DCHS2: variants seen among roughly 807,000 people sequenced by gnomAD.
DCHS2 encodes dachsous cadherin-related 2, also known as protocadherin-23.
DCHS2 carries 142 observed loss-of-function variants against 182.4 expected under a neutral mutation model. That is an observed-to-expected ratio of 0.78 (90% CI 0.68 to 0.89). DCHS2 has a LOEUF of 0.89. Ranked by LOEUF, DCHS2 falls within the 40% of genes least tolerant of loss-of-function variation. The probability of loss-of-function intolerance (pLI) is 0.00; values close to 1 mark genes in which losing one functional copy is unlikely to be tolerated. For synonymous variants in DCHS2, 1,740 were observed against 1,663.3 expected (o/e 1.05, Z -1.12); for missense variants, 4,319 against 4,198.6 (o/e 1.03, Z -0.79).
chr4:154,285,078 C>T (rs553917152), intron 13 of DCHS2, among the ~76,000 whole-genome samples: 2 of 152,100 alleles, frequency 1.3e-5, no homozygotes, highest in East Asian at 2.0e-4. Flanking sequence ...GTGCTGAGGC[C>T]CCCATCCCAA....
At chr4:154,461,937 G>C (rs1013550017) in intron 1 of DCHS2, among the ~76,000 whole-genome samples, 3 of 152,098 alleles carry the variant, frequency 2.0e-5, no homozygotes, top group Non-Finnish European at 4.4e-5. Context: ...CTGAGGTCAG[G>C]AGCTGACATT....
intron 1 of DCHS2, among the ~76,000 whole-genome samples, chr4:154,468,837 C>T (rs902410166): frequency 6.6e-6 from 1 of 152,060 alleles, no homozygotes; most frequent in African/African-American, 2.4e-5. Context: ...ATGTACCAGG[C>T]ATTGGTTTCC....
In DCHS2 at chr4:154,484,578, C is replaced by T. The variant is rs1328205195; in HGVS notation, c.2052+4726G>A. On this transcript the variant is annotated intron_variant, in intron 1 of 19. Transcript: ENST00000357232. ...AATTCATACTTCCGATTATATTTAC[C>T]TGATCTACTTTCACTACAAAACACA... 2.0e-5 allele frequency among the ~76,000 whole-genome samples: 3 copies of T among 152,148 alleles called. No individual in the cohort carries two copies. The East Asian group carries it at 5.8e-4, about 29-fold the overall frequency.
At chr4:154,367,690 T>G (rs1312688976) in intron 2 of DCHS2, among the ~76,000 whole-genome samples, 3 of 152,202 alleles carry the variant, frequency 2.0e-5, no homozygotes, top group Non-Finnish European at 4.4e-5. Context: ...AGCCTGGGTT[T>G]TCTCACTCAT....
At chr4:154,294,987 G>A (rs2111271195) in intron 13 of DCHS2, among the ~76,000 whole-genome samples, 1 of 152,302 alleles carries the variant, frequency 6.6e-6, no homozygotes, top group Admixed American at 6.5e-5. Flanking sequence ...GAGAAAACTG[G>A]TCATTCCAAT....
At chr4:154,482,023 A>T (rs1364308093) in intron 1 of DCHS2, among the ~76,000 whole-genome samples, 1 of 152,238 alleles carries the variant, frequency 6.6e-6, no homozygotes, top group Non-Finnish European at 1.5e-5. Flanking sequence ...AAATGAAGGT[A>T]ACAGCCTGGG....
rs773186125 is a variant in DCHS2, at chr4:154,332,451, G to T, written c.3730+27C>A. 3.2e-6 allele frequency: 5 copies of T among 1,561,258 alleles called. No individual in the cohort carries two copies. In the Admixed American group the frequency reaches 5.5e-5, roughly 17 times the overall value. On this transcript the variant is annotated intron_variant, in intron 5 of 19. Coordinates refer to ENST00000357232, the MANE Select transcript of DCHS2 (RefSeq NM_001358235.2). The stretch of plus-strand genomic sequence containing the variant: ...ATAGTACTGAACCCTCATTTTAAAG[G>T]AATAGGTGGAAACTATGAAGTGCTA...
At position 154,433,539 on chromosome 4, in the gene DCHS2, C is replaced by T. The variant is rs554441906; in HGVS notation, c.2052+55765G>A. Among the ~76,000 whole-genome samples, 8 of 151,896 alleles carry T rather than the reference C, an allele frequency of 5.3e-5. No individual in the cohort carries two copies. The South Asian group carries it at 1.0e-3, about 20-fold the overall frequency. On this transcript the variant is annotated intron_variant, in intron 1 of 19. Transcript: ENST00000357232. ...CCTCCCAAGTAGCTGGGCCTACAGG[C>T]GTGCGCCACCATGCCCGGCTAATTT...
intron 10 of DCHS2, among the ~76,000 whole-genome samples, chr4:154,313,413 T>G (rs994676817): frequency 2.6e-5 from 4 of 152,188 alleles, no homozygotes; most frequent in African/African-American, 9.6e-5. Context: ...CAAATAACAC[T>G]GTATACTTAC....
chr4:154,302,204 T>C (rs1380686751), intron 12 of DCHS2, among the ~76,000 whole-genome samples: 1 of 152,228 alleles, frequency 6.6e-6, no homozygotes, highest in Non-Finnish European at 1.5e-5. Flanking sequence ...TGCTCATTCA[T>C]ACATATAATT....
At chr4:154,355,419 G>GA (rs1477565162) in intron 3 of DCHS2, among the ~76,000 whole-genome samples, 1 of 152,192 alleles carries the variant, frequency 6.6e-6, no homozygotes, top group Non-Finnish European at 1.5e-5. Flanking sequence ...TCAATTTGGA[G>GA]AATTTCCTGC....
chr4:154,404,771 T>A (rs962942105), intron 1 of DCHS2, among the ~76,000 whole-genome samples: 17 of 152,248 alleles, frequency 1.1e-4, no homozygotes, highest in Admixed American at 6.5e-5. Flanking sequence ...TGAAATATCT[T>A]CCTTTATCTG....
Position 154,455,588 on chromosome 4 carries a change from A to G in DCHS2, c.2052+33716T>C, listed in dbSNP as rs139992100. On this transcript the variant is annotated intron_variant, in intron 1 of 19. Coordinates refer to ENST00000357232, the MANE Select transcript of DCHS2 (RefSeq NM_001358235.2). ...AGGAAATCACTTCTGGTGGAATTTT[A>G]GTGATTTAGATGAAACTTACACTTG... 1.4e-3 allele frequency among the ~76,000 whole-genome samples: 208 copies of G among 152,340 alleles called. 1 individual carries two copies. Among genetic ancestry groups the G allele is most frequent in the African/African-American group, 4.9e-3 (202 of 41,586 alleles).
intron 12 of DCHS2, among the ~76,000 whole-genome samples, chr4:154,303,896 T>C (rs1255467263): frequency 6.6e-6 from 1 of 152,204 alleles, no homozygotes; most frequent in Non-Finnish European, 1.5e-5. Context: ...CTTTTCTGCA[T>C]TTCAGAATTC....
chr4:154,394,380 G>T (rs1377435199), intron 1 of DCHS2, among the ~76,000 whole-genome samples: 1 of 152,176 alleles, frequency 6.6e-6, no homozygotes, highest in Non-Finnish European at 1.5e-5. Flanking sequence ...TTGGACTCTG[G>T]TTTTCCCTCT....
chr4:154,451,297 C>G (rs929458858), intron 1 of DCHS2, among the ~76,000 whole-genome samples: 3 of 152,176 alleles, frequency 2.0e-5, no homozygotes, highest in Non-Finnish European at 2.9e-5. Context: ...AACTACTCTC[C>G]CTTTTGAGAA....
At chr4:154,421,396 A>AATTTAATTTC (rs1733106104) in intron 1 of DCHS2, among the ~76,000 whole-genome samples, 1 of 151,450 alleles carries the variant, frequency 6.6e-6, no homozygotes, top group Non-Finnish European at 1.5e-5. Flanking sequence ...AATTTAATTT[A>AATTTAATTTC]ATTTAATTTA....
chr4:154,489,968 C>T lies in DCHS2; in HGVS notation c.1388G>A (p.Gly463Glu), dbSNP rs762895522. 1.3e-5 allele frequency: 20 copies of T among 1,547,862 alleles called. No individual in the cohort carries two copies. In the South Asian group the frequency reaches 2.4e-4, roughly 18 times the overall value. The stretch of plus-strand genomic sequence containing the variant: ...CAAGGACAGAGAGATGCTCCCGTCT[C>T]CAAGACCCACACCAAGCTCCCCTGT... ...EATGELGVGL[G>E]DGSISLSLEG... Residue 463 changes from glycine (G) to glutamate (E), a missense_variant, in exon 1 of 20, where the codon GGA (glycine) becomes GAA (glutamate). Physicochemically the swap from Gly to Glu is moderately conservative, Grantham distance 98. Coordinates refer to ENST00000357232, the MANE Select transcript of DCHS2 (RefSeq NM_001358235.2).
chr4:154,403,982 G>A (rs1011737961), intron 1 of DCHS2, among the ~76,000 whole-genome samples: 1 of 151,130 alleles, frequency 6.6e-6, no homozygotes, highest in Non-Finnish European at 1.5e-5. Context: ...TTTTTTTCTT[G>A]ATAATGCTTG....
Sources: gnomAD v4.1 joint callset for allele counts (sites outside exome capture counted in the v4.1 genomes callset) on GRCh38, gnomAD v4.1.1 for gene constraint, MANE v1.5 for transcripts, NCBI Gene and HGNC (gene_info 2026-07-23, HGNC 2026-07-21) for gene names.